PCDHGA6: variants seen among roughly 807,000 people sequenced by gnomAD.
PCDHGA6 encodes protocadherin gamma subfamily A, 6.
In PCDHGA6, 41 loss-of-function variants were observed where a neutral mutation model predicts 60.6. That is an observed-to-expected ratio of 0.68 (90% CI 0.53 to 0.88). The LOEUF (loss-of-function observed/expected upper bound fraction) is 0.88, where lower values mean the gene tolerates loss of function less well. Among genes scored for constraint, PCDHGA6 ranks in the 40% least tolerant of loss-of-function variants. The probability of loss-of-function intolerance (pLI) is 0.00; values close to 1 mark genes in which losing one functional copy is unlikely to be tolerated. For missense variants in PCDHGA6, 1,312 were observed against 1,203.0 expected, an observed-to-expected ratio of 1.09 and a Z score of -1.34; for synonymous variants, 594 against 524.4, an observed-to-expected ratio of 1.13 and a Z score of -1.81.
In PCDHGA6 at chr5:141,432,688, A is replaced by T; in HGVS notation, c.2424+56181A>T. 1 of 1,613,896 alleles carries T rather than the reference A, an allele frequency of 6.2e-7. No homozygotes were observed. The highest frequency in any genetic ancestry group is 1.1e-5 in the South Asian group (1 of 91,078). ...GAGACGCGCTCAAGCAGAGCCTCGTAGTGGCCGTCCAGGACCACGGCCAGC... is the reference window on the plus strand; with the variant it reads ...GAGACGCGCTCAAGCAGAGCCTCGTTGTGGCCGTCCAGGACCACGGCCAGC... On this transcript the variant is annotated intron_variant, in intron 1 of 3. Transcript: ENST00000517434. This position sits in a 1 kb window ranked among gnomAD's most constrained non-coding sequence, Gnocchi z 6.0.
chr5:141,512,866 AC>A lies in PCDHGA6; in HGVS notation c.*1694del. Reference sequence around the variant, plus strand: ...TATAAGCGCTTCTCTTCGCATAGTCACGTAGCTCCCACCCCACCCTCTTCCT... The same window carrying A: ...TATAAGCGCTTCTCTTCGCATAGTCAGTAGCTCCCACCCCACCCTCTTCCT... On this transcript the variant is annotated 3_prime_UTR_variant, in exon 4 of 4. Transcript: ENST00000517434. 1 of 152,098 alleles carries A rather than the reference AC, an allele frequency of 6.6e-6. No homozygotes were observed. Among genetic ancestry groups the A allele is most frequent in the Non-Finnish European group, 1.5e-5 (1 of 68,034 alleles). 9.4% of individuals were successfully genotyped at this position (152,098 alleles called of 1,614,324 possible).
Position 141,424,000 on chromosome 5 carries a change from A to G in PCDHGA6, c.2424+47493A>G, listed in dbSNP as rs2096794510. On this transcript the variant is annotated intron_variant, in intron 1 of 3. Coordinates refer to ENST00000517434, the MANE Select transcript of PCDHGA6 (RefSeq NM_018919.3). ...ATGAGGCTCTCAATTTATTATATAT[A>G]GATACAAATTAATGATTCACAAACA... 5 of 1,076,368 alleles carry G rather than the reference A, an allele frequency of 4.6e-6. No homozygotes were observed. In the South Asian group the frequency reaches 1.4e-4, roughly 30 times the overall value. 66.7% of individuals were successfully genotyped at this position (1,076,368 alleles called of 1,614,324 possible).
chr5:141,491,612 G>A lies in PCDHGA6; in HGVS notation c.2425-3195G>A, dbSNP rs759955730. ...GACGGCAGTGACTTCACTTTTCTAAGACCCCTCAGCGTTCAGCAGCCCACA... is the reference window on the plus strand; with the variant it reads ...GACGGCAGTGACTTCACTTTTCTAAAACCCCTCAGCGTTCAGCAGCCCACA... On this transcript the variant is annotated intron_variant, in intron 1 of 3. Coordinates refer to ENST00000517434, the MANE Select transcript of PCDHGA6 (RefSeq NM_018919.3). The surrounding 1 kb of genome is among the most constrained non-coding windows in gnomAD (Gnocchi z 6.9). 6.2e-7 allele frequency: 1 copy of A among 1,613,906 alleles called. No individual in the cohort carries two copies. The highest frequency in any genetic ancestry group is 8.5e-7 in the Non-Finnish European group (1 of 1,180,026).
At chr5:141,482,999 T>G (rs1031397558) in intron 1 of PCDHGA6, among the ~76,000 whole-genome samples, 3 of 151,950 alleles carry the variant, frequency 2.0e-5, no homozygotes, top group Non-Finnish European at 2.9e-5. Flanking sequence ...GCAGGAGAAT[T>G]GCTTGAACCC....
At chr5:141,390,515 C>T (rs1325813784) in intron 1 of PCDHGA6, 1 of 575,082 alleles carries the variant, frequency 1.7e-6, no homozygotes, top group Middle Eastern at 4.7e-4. Flanking sequence ...ATTTATAAAG[C>T]AATGAGGGTG....
chr5:141,472,254 T>C (rs1031738513), intron 1 of PCDHGA6, among the ~76,000 whole-genome samples: 1 of 152,074 alleles, frequency 6.6e-6, no homozygotes, highest in Admixed American at 6.6e-5. Context: ...TTTAAAGTTA[T>C]ATTATAGCCG....
intron 1 of PCDHGA6, among the ~76,000 whole-genome samples, chr5:141,473,033 G>A (rs1199215390): frequency 1.4e-5 from 2 of 146,282 alleles, no homozygotes. Flanking sequence ...AAGGAAGGAA[G>A]GAAAGAAAGA....
At chr5:141,496,799 G>C (rs2099771487) in intron 2 of PCDHGA6, among the ~76,000 whole-genome samples, 1 of 151,912 alleles carries the variant, frequency 6.6e-6, no homozygotes, top group African/African-American at 2.4e-5. Context: ...TAAACATTGG[G>C]CTATAGGAGT....
At chr5:141,390,536 C>T (rs2092171598) in intron 1 of PCDHGA6, 1 of 522,874 alleles carries the variant, frequency 1.9e-6, no homozygotes, top group Non-Finnish European at 3.4e-6. Context: ...TGGTTTTAAC[C>T]ACAAAGTGAA....
At chr5:141,389,984 C>A (rs1388496409) in intron 1 of PCDHGA6, 1 of 1,613,952 alleles carries the variant, frequency 6.2e-7, no homozygotes, top group East Asian at 2.2e-5. Flanking sequence ...TCTCAGTGCT[C>A]TTCCTCGTGG....
chr5:141,497,210 G>T (rs988856908), intron 2 of PCDHGA6, among the ~76,000 whole-genome samples: 1 of 28,140 alleles, frequency 3.6e-5, no homozygotes, highest in African/African-American at 1.1e-3. Context: ...TGAGTGTAAT[G>T]GGGGGGGGAA....
chr5:141,381,826 C>CTTCTTTTTTTT (rs1777532522), intron 1 of PCDHGA6, among the ~76,000 whole-genome samples: 8 of 74,294 alleles, frequency 1.1e-4, no homozygotes, highest in African/African-American at 4.3e-4. Context: ...CTTTCTTCTT[C>CTTCTTTTTTTT]TTTTTTTTTT....
At chr5:141,437,939 T>C (rs1055613655) in intron 1 of PCDHGA6, among the ~76,000 whole-genome samples, 3 of 152,152 alleles carry the variant, frequency 2.0e-5, no homozygotes, top group African/African-American at 7.2e-5. Flanking sequence ...GGTTTCACCA[T>C]ATTGGCCAGA....
chr5:141,427,723 G>A, intron 1 of PCDHGA6: 1 of 1,127,490 alleles, frequency 8.9e-7, no homozygotes, highest in Non-Finnish European at 1.3e-6. Context: ...CTGGACCTAG[G>A]GCTGAATGGC....
chr5:141,414,572 C>T, intron 1 of PCDHGA6: 1 of 1,613,960 alleles, frequency 6.2e-7, no homozygotes, highest in Non-Finnish European at 8.5e-7. Context: ...ACCTATATCC[C>T]AGAGAACAAC....
chr5:141,498,971 G>GGGAA (rs201769957), intron 2 of PCDHGA6, among the ~76,000 whole-genome samples: 8,226 of 110,874 alleles, frequency 0.074, 335 homozygotes, highest in Middle Eastern at 0.11. Flanking sequence ...GAGGGAGGGA[G>GGGAA]GGAAGGAAGG....
At chr5:141,405,415 G>A in intron 1 of PCDHGA6, 4 of 1,559,568 alleles carry the variant, frequency 2.6e-6, no homozygotes, top group African/African-American at 1.4e-5. Flanking sequence ...TTCTTTTTTT[G>A]TTTTTTGTTT....
chr5:141,477,884 G>A lies in PCDHGA6; in HGVS notation c.2425-16923G>A. On this transcript the variant is annotated intron_variant, in intron 1 of 3. Transcript: ENST00000517434. The surrounding 1 kb of genome is among the most constrained non-coding windows in gnomAD (Gnocchi z 4.9). ...TCGAGGTACCTCAGCTGGCCACCTA[G>A]TGTCACGGGTGGTAGGCTGGGACGC... 6.2e-7 allele frequency: 1 copy of A among 1,614,190 alleles called. No homozygotes were observed. The highest frequency in any genetic ancestry group is 8.5e-7 in the Non-Finnish European group (1 of 1,180,036).
At position 141,375,764 on chromosome 5, in the gene PCDHGA6, G is replaced by C. The variant is rs746447899; in HGVS notation, c.1681G>C (p.Glu561Gln). The C allele has an allele frequency of 1.9e-6, 3 of 1,614,234 alleles. No individual in the cohort carries two copies. The highest frequency in any genetic ancestry group is 1.7e-6 in the Non-Finnish European group (2 of 1,180,036). The change falls in exon 1 of 4, where the codon GAG (glutamate) becomes CAG (glutamine). Residue 561 changes from glutamate (E) to glutamine (Q), a missense_variant. Transcript: ENST00000517434. ...FVLDQNDNAP[E>Q]ILYPALPTDG... ...GCTGGACCAGAATGACAATGCGCCCGAGATCCTGTACCCCGCCCTCCCCAC... is the reference window on the plus strand; with the variant it reads ...GCTGGACCAGAATGACAATGCGCCCCAGATCCTGTACCCCGCCCTCCCCAC...
Sources: allele counts gnomAD v4.1 joint callset (sites outside exome capture counted in the v4.1 genomes callset), GRCh38; gene constraint gnomAD v4.1.1; non-coding constraint Gnocchi (gnomAD v3.1); transcripts MANE v1.5; gene names NCBI Gene and HGNC (gene_info 2026-07-23, HGNC 2026-07-21).